The following SKP1 variants were observed in gnomAD, a reference collection of about 807,000 sequenced individuals.
The protein encoded by SKP1 is S-phase kinase-associated protein 1.
Under a neutral mutation model 21.5 loss-of-function variants are expected in SKP1, and 1 was observed. That is an observed-to-expected ratio of 0.05 (90% CI 0.02 to 0.22). The LOEUF is 0.22. Among genes scored for constraint, SKP1 ranks in the 10% least tolerant of loss-of-function variants. SKP1 has a pLI of 1.00. For missense variants in SKP1, 70 were observed against 192.0 expected (o/e 0.36, Z 3.76); for synonymous variants, 59 against 59.3 (o/e 0.99, Z 0.03).
chr5:134,167,067 G>T, intron 3 of SKP1, 103 bp downstream of exon 3: 1 of 641,366 alleles, frequency 1.6e-6, no homozygotes, highest in Non-Finnish European at 2.8e-6. Context: ...GTAATTTTAA[G>T]CAGTAAATTA....
At chr5:134,176,468 C>T (rs1033377326) in intron 1 of SKP1, 2 of 152,652 alleles carry the variant, frequency 1.3e-5, no homozygotes, top group African/African-American at 2.4e-5. Flanking sequence ...CATTCACAAC[C>T]CCGCCGCCAC....
chr5:134,174,571 G>A (rs1761503068), intron 1 of SKP1: 1 of 603,150 alleles, frequency 1.7e-6, no homozygotes, highest in South Asian at 7.3e-5. Flanking sequence ...ATAAGCAGAT[G>A]TGAGTACAAT....
intron 3 of SKP1, among the ~76,000 whole-genome samples, chr5:134,162,262 G>A (rs1379924396): frequency 2.0e-5 from 3 of 151,846 alleles, no homozygotes; most frequent in Non-Finnish European, 4.4e-5. Context: ...CACCACACCT[G>A]GCTCATTTTT....
chr5:134,166,342 C>T (rs1479196421), intron 3 of SKP1, among the ~76,000 whole-genome samples: 4 of 150,944 alleles, frequency 2.6e-5, no homozygotes, highest in African/African-American at 7.3e-5. Flanking sequence ...CAGCACTTTG[C>T]GAGGCTGAGG....
intron 2 of SKP1, among the ~76,000 whole-genome samples, chr5:134,172,938 G>A (rs1211644169): frequency 1.3e-5 from 2 of 151,530 alleles, no homozygotes; most frequent in Non-Finnish European, 2.9e-5. Context: ...CTTGAACCCG[G>A]GGGGCAGAGG....
In SKP1 at chr5:134,151,687, G is replaced by A. The variant is rs10062695; in HGVS notation, c.*6046C>T. 3.1e-5 allele frequency: 14 copies of A among 455,968 alleles called. No homozygotes were observed. Among genetic ancestry groups the A allele is most frequent in the East Asian group, 2.1e-4 (3 of 14,404 alleles). 28.2% of individuals were successfully genotyped at this position (455,968 alleles called of 1,614,324 possible). On this transcript the variant is annotated 3_prime_UTR_variant, in exon 6 of 6. Coordinates refer to ENST00000353411, the MANE Select transcript of SKP1 (RefSeq NM_170679.3). ...TAAAGTTGACAGATATCAGAAGGTC[G>A]CAAGAACTACAGATGTGGAAGCAGA...
intron 3 of SKP1, among the ~76,000 whole-genome samples, chr5:134,163,487 TAA>T (rs1169032274): frequency 7.4e-6 from 1 of 136,024 alleles, no homozygotes. Context: ...CAAACAGGCT[TAA>T]AAAAAAAAAA....
At chr5:134,170,285 C>G (rs1469168645) in intron 2 of SKP1, among the ~76,000 whole-genome samples, 1 of 152,120 alleles carries the variant, frequency 6.6e-6, no homozygotes. Context: ...TGGTTTTGAA[C>G]TCTTGGGCTC....
rs1761051705 is a variant in SKP1 at position 134,152,013 on chromosome 5, A to G, written c.*5720T>C. ...CTTGGGCCAAAGGACATGCTCTGAA[A>G]TATTTCTTACACCATACTTCATCTT... On this transcript the variant is annotated 3_prime_UTR_variant, in exon 6 of 6. Transcript: ENST00000353411. 1 of 200,386 alleles carries G rather than the reference A, an allele frequency of 5.0e-6. No individual in the cohort carries two copies. Among genetic ancestry groups the G allele is most frequent in the South Asian group, 8.5e-5 (1 of 11,734 alleles). 12.4% of individuals were successfully genotyped at this position (200,386 alleles called of 1,614,324 possible). A position where few individuals can be genotyped will look rare whatever the true frequency, so the allele number is the denominator to read the frequency against.
rs114070312 is a variant in SKP1 at position 134,168,882 on chromosome 5, G to C, written c.98-1639C>G. ...TAAATGTAAAATACTAGATATCCAA[G>C]GGCAGTTGTATGTTCAAGTCCAGAA... is the stretch of plus-strand genomic sequence containing the variant. On this transcript the variant is annotated intron_variant, in intron 2 of 5. Coordinates refer to ENST00000353411, the MANE Select transcript of SKP1 (RefSeq NM_170679.3). Among the ~76,000 whole-genome samples, 488 of 152,150 alleles carry C rather than the reference G, an allele frequency of 3.2e-3. 4 individuals carry two copies. Among genetic ancestry groups the C allele is most frequent in the Non-Finnish European group, 4.7e-3 (320 of 68,020 alleles).
At chr5:134,175,846 C>G (rs1472270460) in intron 1 of SKP1, among the ~76,000 whole-genome samples, 1 of 152,142 alleles carries the variant, frequency 6.6e-6, no homozygotes, top group Non-Finnish European at 1.5e-5. Context: ...CAAAACAATT[C>G]CATTCTAAAG....
chr5:134,161,437 T>C, intron 3 of SKP1: 1 of 221,104 alleles, frequency 4.5e-6, no homozygotes, highest in Admixed American at 5.6e-5. Flanking sequence ...ACAACAATGA[T>C]TAGCTGAGAG....
At chr5:134,172,982 C>T (rs1216620908) in intron 2 of SKP1, among the ~76,000 whole-genome samples, 1 of 142,566 alleles carries the variant, frequency 7.0e-6, no homozygotes, top group Non-Finnish European at 1.5e-5. Context: ...ACTTGCACAC[C>T]AGCCTGGGCA....
chr5:134,162,653 C>T (rs1761241386), intron 3 of SKP1, among the ~76,000 whole-genome samples: 1 of 152,148 alleles, frequency 6.6e-6, no homozygotes, highest in African/African-American at 2.4e-5. Context: ...TCCCAAAGTG[C>T]TGGGATTACA....
At chr5:134,167,680 C>T (rs1044312455) in intron 2 of SKP1, among the ~76,000 whole-genome samples, 10 of 152,156 alleles carry the variant, frequency 6.6e-5, no homozygotes, top group Admixed American at 5.9e-4. Flanking sequence ...CCCGCCACCA[C>T]GCCCGGCTAA....
intron 2 of SKP1, among the ~76,000 whole-genome samples, chr5:134,171,393 T>C (rs1354198653): frequency 6.6e-6 from 1 of 152,194 alleles, no homozygotes; most frequent in African/African-American, 2.4e-5. Flanking sequence ...CTACTACTGA[T>C]TTCTATACTC....
chr5:134,153,874 A>C lies in SKP1; in HGVS notation c.*3859T>G, dbSNP rs1052003826. 1.3e-5 allele frequency: 2 copies of C among 152,312 alleles called. No homozygotes were observed. Among genetic ancestry groups the C allele is most frequent in the Admixed American group, 1.3e-4 (2 of 15,298 alleles). The allele number at this position is 152,312 out of a possible 1,614,324, so 9.4% of individuals were successfully genotyped here. ...TATCCTCCCTCCCCAGCTAGTTTTA[A>C]GATAAGCTCAGCATTACTATGATGT... On this transcript the variant is annotated 3_prime_UTR_variant, in exon 6 of 6. Transcript: ENST00000353411.
At chr5:134,165,043 G>T (rs1386369384) in intron 3 of SKP1, among the ~76,000 whole-genome samples, 1 of 134,458 alleles carries the variant, frequency 7.4e-6, no homozygotes, top group Admixed American at 7.2e-5. Context: ...TTTTTTGAGG[G>T]GGGAGGGTGT....
intron 3 of SKP1, among the ~76,000 whole-genome samples, chr5:134,163,922 C>G (rs1761275604): frequency 6.6e-6 from 1 of 152,192 alleles, no homozygotes; most frequent in South Asian, 2.1e-4. Context: ...CCACTAAACT[C>G]CTTGCCTTTC....
Sources: allele counts gnomAD v4.1 joint callset (sites outside exome capture counted in the v4.1 genomes callset), GRCh38; gene constraint gnomAD v4.1.1; transcripts MANE v1.5; gene names NCBI Gene and HGNC (gene_info 2026-07-23, HGNC 2026-07-21).